Variants in CORO7 observed in about 807,000 individuals in gnomAD.
CORO7 encodes the protein coronin-7.
CORO7 carries 107 observed loss-of-function variants against 126.6 expected under a neutral mutation model. That is an observed-to-expected ratio of 0.85 (90% CI 0.72 to 0.99). The LOEUF (loss-of-function observed/expected upper bound fraction) is 0.99. CORO7 is among the 50% of genes least tolerant of loss of function. The pLI is 0.00. For synonymous variants in CORO7, 603 were observed against 536.8 expected (o/e 1.12, Z -1.70); for missense variants, 1,314 against 1,255.8 (o/e 1.05, Z -0.70).
intron 1 of CORO7, chr16:4,415,837 G>A: frequency 1.0e-6 from 1 of 985,632 alleles, no homozygotes; most frequent in Non-Finnish European, 1.2e-6. Context: ...ATTCTTTGGG[G>A]CTCCACCTGC....
intron 9 of CORO7, among the ~76,000 whole-genome samples, chr16:4,384,488 C>A (rs963958647): frequency 1.8e-4 from 27 of 152,300 alleles, no homozygotes; most frequent in African/African-American, 6.5e-4. Context: ...CTGGAGTGAG[C>A]CTCCTGCAGA....
chr16:4,404,772 G>C (rs796566221), intron 6 of CORO7, among the ~76,000 whole-genome samples: 9 of 152,196 alleles, frequency 5.9e-5, no homozygotes, highest in African/African-American at 1.9e-4. Context: ...TCCCGGCAGA[G>C]AACAGCTCTC....
Position 4,364,266 on chromosome 16 carries a change from T to TGGGCTCAGCGCC in CORO7, c.1275+9_1275+10insGGCGCTGAGCCC. 1 of 1,523,006 alleles carries TGGGCTCAGCGCC rather than the reference T, an allele frequency of 6.6e-7. No individual in the cohort carries two copies. The highest frequency in any genetic ancestry group is 8.8e-7 in the Non-Finnish European group (1 of 1,138,450). 94.3% of individuals were successfully genotyped at this position (1,523,006 alleles called of 1,614,324 possible). ...CGCTGAGGGAGGATGGGGGCGGCCC[T>TGGGCTCAGCGCC]GGTACTTACGCTTGCGTCTGCATCA... On this transcript the variant is annotated intron_variant, in intron 14 of 27. Coordinates refer to ENST00000251166, the MANE Select transcript of CORO7 (RefSeq NM_024535.5).
rs763588711 is a variant in CORO7, at chr16:4,362,133, T to C, written c.1430A>G (p.Gln477Arg). The change falls in exon 16 of 28, where the codon CAG becomes CGG. Residue 477 changes from glutamine to arginine, a missense_variant. Coordinates refer to ENST00000251166, the MANE Select transcript of CORO7 (RefSeq NM_024535.5). The surrounding 1 kb of genome is among the most constrained non-coding windows in gnomAD (Gnocchi z 5.3). ...LGPSSKFRHA[Q>R]GTVLHRDSHI... is the part of the protein sequence containing the mutation. The stretch of plus-strand genomic sequence containing the variant: ...GCTGTCTCGGTGCAGGACAGTGCCC[T>C]GAGCATGGCGGAACTTGGAACTGGG... The C allele has an allele frequency of 2.5e-6, 4 of 1,609,318 alleles. No individual in the cohort carries two copies. Among genetic ancestry groups the C allele is most frequent in the Non-Finnish European group, 3.4e-6 (4 of 1,178,714 alleles).
chr16:4,359,404 G>A lies in CORO7; in HGVS notation c.2251-19C>T, dbSNP rs745439199. The A allele has an allele frequency of 6.2e-7, 1 of 1,613,572 alleles. No individual in the cohort carries two copies. The highest frequency in any genetic ancestry group is 8.5e-7 in the Non-Finnish European group (1 of 1,179,972). On this transcript the variant is annotated intron_variant, in intron 22 of 27. Coordinates refer to ENST00000251166, the MANE Select transcript of CORO7 (RefSeq NM_024535.5). ...TGTCGCCCTGCGGGGAAGAAGGCAG[G>A]CTGGGAACCCTCCGGCAACACTGGC...
intron 23 of CORO7, chr16:4,358,755 G>A (rs1365888900): frequency 5.1e-6 from 2 of 395,250 alleles, no homozygotes; most frequent in Non-Finnish European, 9.0e-6. Context: ...GGGAAGAGAT[G>A]TAAATAGCAC....
intron 9 of CORO7, among the ~76,000 whole-genome samples, chr16:4,367,719 G>C (rs973413817): frequency 6.6e-6 from 1 of 152,164 alleles, no homozygotes; most frequent in African/African-American, 2.4e-5. Context: ...TGTGGCAGGT[G>C]GGTTCATGGC....
At chr16:4,399,115 T>G (rs1000684104) in intron 6 of CORO7, among the ~76,000 whole-genome samples, 5 of 152,208 alleles carry the variant, frequency 3.3e-5, no homozygotes, top group African/African-American at 1.2e-4. Context: ...CTAGCATGTC[T>G]TCCAGCAACC....
chr16:4,416,437 C>T (rs780088952), intron 1 of CORO7, 22 bp downstream of exon 1: 2 of 1,558,758 alleles, frequency 1.3e-6, no homozygotes, highest in Non-Finnish European at 1.7e-6. Flanking sequence ...GCGACAGCGC[C>T]CGGTCCTCGG....
intron 9 of CORO7, among the ~76,000 whole-genome samples, chr16:4,371,233 T>G (rs8053965): frequency 0.046 from 7,013 of 152,272 alleles, 540 homozygotes; most frequent in African/African-American, 0.16. Flanking sequence ...CCAGGGCTGC[T>G]CACAACTCTT....
At chr16:4,413,016 G>A in intron 2 of CORO7, 1 of 356,120 alleles carries the variant, frequency 2.8e-6, no homozygotes, top group South Asian at 6.2e-5. Context: ...GAGGAGCAGG[G>A]AGCACAGAGG....
rs1326051498 is a variant in CORO7, at chr16:4,407,618, G to T, written c.370C>A (p.Pro124Thr). ...AGTACCTCCACTGGGAGGTCCTCGGGGCCCAGCACCACCCCGGGTGCTGAG... is the reference window on the plus strand; with the variant it reads ...AGTACCTCCACTGGGAGGTCCTCGGTGCCCAGCACCACCCCGGGTGCTGAG... ...LPSAPGVVLG[P>T]EDLPVEVLQF... The change falls in exon 5 of 28, where the codon CCC (proline) becomes ACC (threonine). Residue 124 changes from proline to threonine, a missense_variant. Physicochemically the swap from Pro to Thr is conservative, Grantham distance 38. Coordinates refer to ENST00000251166, the MANE Select transcript of CORO7 (RefSeq NM_024535.5). The T allele has an allele frequency of 1.2e-6, 2 of 1,603,536 alleles. No individual in the cohort carries two copies. Among genetic ancestry groups the T allele is most frequent in the African/African-American group, 2.7e-5 (2 of 74,748 alleles).
At chr16:4,412,964 C>A in intron 2 of CORO7, 1 of 273,670 alleles carries the variant, frequency 3.7e-6, no homozygotes, top group Non-Finnish European at 6.9e-6. Flanking sequence ...CTTTTCAAGC[C>A]TTTCTGTTCC....
In CORO7 at chr16:4,408,168, T is replaced by G. The variant is rs748539521; in HGVS notation, c.303+13A>C. On this transcript the variant is annotated intron_variant, in intron 4 of 27. Coordinates refer to ENST00000251166, the MANE Select transcript of CORO7 (RefSeq NM_024535.5). Reference sequence around the variant, plus strand: ...TGGGACATAGAGCAGCTCTTCCAACTGGCTCCACTCACCGTCCTGTCAGCC... The same window carrying G: ...TGGGACATAGAGCAGCTCTTCCAACGGGCTCCACTCACCGTCCTGTCAGCC... The G allele has an allele frequency of 1.2e-6, 2 of 1,614,032 alleles. No individual in the cohort carries two copies. Among genetic ancestry groups the G allele is most frequent in the South Asian group, 2.2e-5 (2 of 91,078 alleles).
intron 9 of CORO7, among the ~76,000 whole-genome samples, chr16:4,373,675 G>A (rs575217022): frequency 6.6e-6 from 1 of 152,282 alleles, no homozygotes; most frequent in African/African-American, 2.4e-5. Flanking sequence ...ACAGCCCCGG[G>A]GGAGCTGGGA....
intron 1 of CORO7, among the ~76,000 whole-genome samples, chr16:4,415,517 G>A (rs1334637476): frequency 6.6e-6 from 1 of 152,104 alleles, no homozygotes; most frequent in Non-Finnish European, 1.5e-5. Context: ...AGTGCCACAG[G>A]GGAAGGAAAA....
intron 9 of CORO7, chr16:4,383,006 G>C: frequency 8.1e-7 from 1 of 1,229,710 alleles, no homozygotes; most frequent in Non-Finnish European, 1.1e-6. Context: ...TCGGGGATGT[G>C]TGCAGACAGG....
chr16:4,371,050 C>T lies in CORO7; in HGVS notation c.786-5505G>A, dbSNP rs1313319244. 2.6e-5 allele frequency among the ~76,000 whole-genome samples: 4 copies of T among 152,216 alleles called. No homozygotes were observed. The East Asian group carries it at 5.8e-4, about 22-fold the overall frequency. On this transcript the variant is annotated intron_variant, in intron 9 of 27. Transcript: ENST00000251166. ...CGGCCCCTGGCACCCGCCCCTCCTG[C>T]CCAATCAAGGGCCACTGTCAACTGC...
chr16:4,402,767 C>T (rs951592371), intron 6 of CORO7, among the ~76,000 whole-genome samples: 5 of 152,224 alleles, frequency 3.3e-5, no homozygotes, highest in African/African-American at 4.8e-5. Context: ...GCGTCCTCCC[C>T]GGCTCATCAG....
Sources: gnomAD v4.1 joint callset for allele counts (sites outside exome capture counted in the v4.1 genomes callset) on GRCh38, gnomAD v4.1.1 for gene constraint, Gnocchi (gnomAD v3.1) non-coding constraint, MANE v1.5 for transcripts, NCBI Gene and HGNC (gene_info 2026-07-23, HGNC 2026-07-21) for gene names.